Variants in ZNF831 observed in about 807,000 individuals in gnomAD.
ZNF831 encodes chromosome 20 open reading frame 174.
A neutral mutation model predicts 95.8 loss-of-function variants in ZNF831; 59 were observed. The ratio of observed to expected loss-of-function variants is 0.62; its 90% CI spans 0.50 to 0.77. The LOEUF (loss-of-function observed/expected upper bound fraction) is 0.77, where lower values mean the gene tolerates loss of function less well. Ranked by LOEUF, ZNF831 falls within the 30% of genes least tolerant of loss-of-function variation. The pLI, the probability that ZNF831 is intolerant of heterozygous loss-of-function variation, is 0.00. For synonymous variants in ZNF831, 961 were observed against 925.5 expected (o/e 1.04, Z -0.70); for missense variants, 2,205 against 2,164.0 (o/e 1.02, Z -0.38).
chr20:59,131,711 T>C (rs1195385094), intron 1 of ZNF831, among the ~76,000 whole-genome samples: 1 of 152,010 alleles, frequency 6.6e-6, no homozygotes. Flanking sequence ...AGGGATTGAG[T>C]GGGTGATGGG....
At chr20:59,164,513 G>GA (rs1341383223) in intron 1 of ZNF831, among the ~76,000 whole-genome samples, 1 of 152,032 alleles carries the variant, frequency 6.6e-6, no homozygotes, top group Non-Finnish European at 1.5e-5. Flanking sequence ...TTTTCCCAGT[G>GA]ATGAACCTAA....
chr20:59,154,600 A>G (rs1980427317), intron 2 of ZNF831, among the ~76,000 whole-genome samples: 3 of 152,176 alleles, frequency 2.0e-5, no homozygotes, highest in Admixed American at 6.5e-5. Context: ...GACAAGTCCT[A>G]TGCCACTTGG....
chr20:59,187,083 C>T (rs1338774801), intron 1 of ZNF831, among the ~76,000 whole-genome samples: 1 of 152,100 alleles, frequency 6.6e-6, no homozygotes, highest in Non-Finnish European at 1.5e-5. Context: ...TTCCACACTG[C>T]CAGGAAGCGT....
At chr20:59,215,468 G>A (rs895570447) in intron 4 of ZNF831, among the ~76,000 whole-genome samples, 1 of 152,232 alleles carries the variant, frequency 6.6e-6, no homozygotes, top group Non-Finnish European at 1.5e-5. Context: ...TTCCAATGGA[G>A]ATTTTAGAAA....
Position 59,150,877 on chromosome 20 carries a change from C to T in ZNF831, c.-1281+4503C>T, listed in dbSNP as rs1363113734. On this transcript the variant is annotated intron_variant, in intron 2 of 7. Coordinates refer to the ZNF831 transcript ENST00000637017. ...ATAGTACTCGCTGGCTGTGGGCGGG[C>T]GGGCCGTGCCAGCTTCAGAGGAGCA... Among the ~76,000 whole-genome samples, 4 of 152,278 alleles carry T rather than the reference C, an allele frequency of 2.6e-5. No individual in the cohort carries two copies. In the East Asian group the frequency reaches 5.8e-4, roughly 22 times the overall value.
Position 59,192,638 on chromosome 20 carries a change from C to A in ZNF831, c.1619C>A (p.Ala540Asp), listed in dbSNP as rs1198628523. Residue 540 changes from alanine to aspartate, a missense_variant, in exon 2 of 6, where the codon GCC (alanine) becomes GAC (aspartate). Physicochemically the swap from Ala to Asp is moderately radical, Grantham distance 126. Coordinates refer to ENST00000371030, the MANE Select transcript of ZNF831 (RefSeq NM_178457.3). The surrounding 1 kb of genome is among the most constrained non-coding windows in gnomAD (Gnocchi z 5.2). Reference sequence around the variant, plus strand: ...CCTCTGAGCCCCAGGCCCGGCCCAGCCCGCCTGGGCTGCCGCTCGGGACTA... The same window carrying A: ...CCTCTGAGCCCCAGGCCCGGCCCAGACCGCCTGGGCTGCCGCTCGGGACTA... The part of the protein sequence containing the change: ...QKPLSPRPGP[A>D]RLGCRSGLSS... The A allele has an allele frequency of 6.7e-7, 1 of 1,499,776 alleles. No individual in the cohort carries two copies. Among genetic ancestry groups the A allele is most frequent in the East Asian group, 2.4e-5 (1 of 42,210 alleles). The allele number at this position is 1,499,776 out of a possible 1,614,324, so 92.9% of individuals were successfully genotyped here. A position where few individuals can be genotyped will look rare whatever the true frequency, so the allele number is the denominator to read the frequency against.
At chr20:59,253,544 C>G (rs1988011723) in intron 5 of ZNF831, among the ~76,000 whole-genome samples, 2 of 152,056 alleles carry the variant, frequency 1.3e-5, no homozygotes, top group South Asian at 2.1e-4. Context: ...ACCAAAAAAC[C>G]CTTCAATACA....
chr20:59,164,801 A>G (rs1308420197), intron 1 of ZNF831, among the ~76,000 whole-genome samples: 1 of 152,200 alleles, frequency 6.6e-6, no homozygotes, highest in Non-Finnish European at 1.5e-5. Flanking sequence ...GCTGGAGGCT[A>G]TCTCAGATCA....
chr20:59,223,569 A>C (rs1187333902), intron 4 of ZNF831, among the ~76,000 whole-genome samples: 4 of 152,164 alleles, frequency 2.6e-5, no homozygotes. Flanking sequence ...GCCGAGTTTC[A>C]CCACCTGTAG....
intron 2 of ZNF831, among the ~76,000 whole-genome samples, chr20:59,157,062 T>A (rs964175105): frequency 6.6e-6 from 1 of 152,170 alleles, no homozygotes; most frequent in Non-Finnish European, 1.5e-5. Flanking sequence ...ATTTATCATC[T>A]CTTTGTGTTA....
chr20:59,129,554 C>T (rs1352836552), intron 1 of ZNF831, among the ~76,000 whole-genome samples: 4 of 152,100 alleles, frequency 2.6e-5, no homozygotes, highest in African/African-American at 7.2e-5. Context: ...ATCCGGGAGG[C>T]AGAAGTTGCA....
At chr20:59,209,404 G>T (rs1265479286) in intron 4 of ZNF831, among the ~76,000 whole-genome samples, 1 of 152,190 alleles carries the variant, frequency 6.6e-6, no homozygotes, top group Non-Finnish European at 1.5e-5. Flanking sequence ...CTGGAAAGAT[G>T]GGGGTTCTTT....
intron 1 of ZNF831, among the ~76,000 whole-genome samples, chr20:59,175,807 A>G (rs979937309): frequency 2.0e-5 from 3 of 152,196 alleles, no homozygotes; most frequent in African/African-American, 7.2e-5. Flanking sequence ...GGTATGACAA[A>G]TGATTTTTAA....
Position 59,197,743 on chromosome 20 carries a change from C to G in ZNF831, c.3875+1738C>G, listed in dbSNP as rs141696387. 8.3e-3 allele frequency among the ~76,000 whole-genome samples: 1,258 copies of G among 152,286 alleles called. 21 individuals carry two copies. Among genetic ancestry groups the G allele is most frequent in the African/African-American group, 0.028 (1,156 of 41,566 alleles). ...GTGTAATGGGGCCTCTAAGCCTCATCATCAGCCCTGGCCCAAACTTGGTGG... is the reference window on the plus strand; with the variant it reads ...GTGTAATGGGGCCTCTAAGCCTCATGATCAGCCCTGGCCCAAACTTGGTGG... On this transcript the variant is annotated intron_variant, in intron 3 of 5. Coordinates refer to ENST00000371030, the MANE Select transcript of ZNF831 (RefSeq NM_178457.3).
chr20:59,170,362 G>T (rs1032413583), intron 1 of ZNF831, among the ~76,000 whole-genome samples: 1 of 152,012 alleles, frequency 6.6e-6, no homozygotes, highest in African/African-American at 2.4e-5. Context: ...TGTATTTTTT[G>T]ATTACCCTGG....
chr20:59,201,595 T>C (rs1453062032), intron 3 of ZNF831, among the ~76,000 whole-genome samples: 4 of 152,214 alleles, frequency 2.6e-5, no homozygotes, highest in Non-Finnish European at 4.4e-5. Context: ...GTTTTATACT[T>C]TTAAGTTTTA....
At chr20:59,127,428 G>A (rs1276774750) in intron 1 of ZNF831, among the ~76,000 whole-genome samples, 2 of 152,118 alleles carry the variant, frequency 1.3e-5, no homozygotes, top group African/African-American at 4.8e-5. Flanking sequence ...CTCACTTGGG[G>A]TAAAGTCCCA....
intron 1 of ZNF831, among the ~76,000 whole-genome samples, chr20:59,135,795 G>T (rs1979491922): frequency 1.3e-5 from 2 of 152,090 alleles, no homozygotes; most frequent in Non-Finnish European, 2.9e-5. Context: ...TTATTAGGTT[G>T]GTGCAAAAGT....
Position 59,257,926 on chromosome 20 carries a change from C to G in ZNF831, c.*3183C>G, listed in dbSNP as rs1188211376. The G allele has an allele frequency of 6.6e-6, 1 of 152,168 alleles. No homozygotes were observed. The highest frequency in any genetic ancestry group is 2.4e-5 in the African/African-American group (1 of 41,440). 9.4% of individuals were successfully genotyped at this position (152,168 alleles called of 1,614,324 possible). On this transcript the variant is annotated 3_prime_UTR_variant, in exon 6 of 6. Transcript: ENST00000371030. ...CACCTGTACCTACACCCAGCTAGAT[C>G]TTGTCGTTAAAGATGTATGGAGGGA...
Sources: allele counts gnomAD v4.1 joint callset (sites outside exome capture counted in the v4.1 genomes callset), GRCh38; gene constraint gnomAD v4.1.1; non-coding constraint Gnocchi (gnomAD v3.1); transcripts MANE v1.5; gene names NCBI Gene and HGNC (gene_info 2026-07-23, HGNC 2026-07-21).